NKAIN2: variants seen among roughly 807,000 people sequenced by gnomAD.
The protein encoded by NKAIN2 is sodium/potassium-transporting ATPase subunit beta-1-interacting protein 2.
NKAIN2 carries 14 observed loss-of-function variants against 32.6 expected under a neutral mutation model. The ratio of observed to expected loss-of-function variants is 0.43; its 90% CI spans 0.28 to 0.67. The LOEUF (loss-of-function observed/expected upper bound fraction) is 0.67, where lower values mean the gene tolerates loss of function less well. Among genes scored for constraint, NKAIN2 ranks in the 30% least tolerant of loss-of-function variants. The pLI is 0.17. For synonymous variants in NKAIN2, 80 were observed against 87.2 expected, an observed-to-expected ratio of 0.92 and a Z score of 0.46; for missense variants, 198 against 258.3, an observed-to-expected ratio of 0.77 and a Z score of 1.60.
chr6:124,500,526 T>C (rs1778246356), intron 3 of NKAIN2, among the ~76,000 whole-genome samples: 1 of 151,918 alleles, frequency 6.6e-6, no homozygotes, highest in South Asian at 2.1e-4. Context: ...CAATTGCTCA[T>C]GGCTGTGGTC....
intron 4 of NKAIN2, among the ~76,000 whole-genome samples, chr6:124,676,852 T>A (rs1341999830): frequency 6.6e-6 from 1 of 152,180 alleles, no homozygotes; most frequent in East Asian, 1.9e-4. Context: ...GCATGGAGTA[T>A]CTTTTTCCAT....
chr6:124,779,283 G>GAGA (rs1240402173), intron 4 of NKAIN2, among the ~76,000 whole-genome samples: 7 of 99,950 alleles, frequency 7.0e-5, no homozygotes, highest in East Asian at 7.1e-4. Flanking sequence ...GAGAGAGAGA[G>GAGA]GAAGGCAGGA....
intron 1 of NKAIN2, among the ~76,000 whole-genome samples, chr6:123,915,746 G>T (rs1409090131): frequency 6.6e-6 from 1 of 152,150 alleles, no homozygotes; most frequent in Non-Finnish European, 1.5e-5. Flanking sequence ...GAATTCTCTT[G>T]TGTGTCTCCG....
chr6:123,950,688 T>G (rs1344892593), intron 1 of NKAIN2, among the ~76,000 whole-genome samples: 2 of 151,998 alleles, frequency 1.3e-5, no homozygotes, highest in East Asian at 3.9e-4. Flanking sequence ...CTTTTTTCCT[T>G]GGTTCGACTA....
chr6:124,587,377 G>T (rs538697521), intron 3 of NKAIN2, among the ~76,000 whole-genome samples: 1 of 151,852 alleles, frequency 6.6e-6, no homozygotes, highest in African/African-American at 2.4e-5. Flanking sequence ...ATGCCACCAC[G>T]CCCGGCTAAT....
At chr6:124,591,249 C>G (rs1282391111) in intron 3 of NKAIN2, among the ~76,000 whole-genome samples, 1 of 152,218 alleles carries the variant, frequency 6.6e-6, no homozygotes, top group Admixed American at 6.5e-5. Context: ...ATTTGCCACT[C>G]AAGACTCTTC....
intron 4 of NKAIN2, among the ~76,000 whole-genome samples, chr6:124,786,858 T>A (rs1779525411): frequency 6.6e-6 from 1 of 152,158 alleles, no homozygotes; most frequent in African/African-American, 2.4e-5. Flanking sequence ...AATTATTTTC[T>A]TTCAATTGAA....
chr6:124,382,382 G>A (rs1488589807), intron 3 of NKAIN2, among the ~76,000 whole-genome samples: 2 of 152,208 alleles, frequency 1.3e-5, no homozygotes, highest in Admixed American at 1.3e-4. Flanking sequence ...CAGGCACCTA[G>A]ACAAATTGAA....
At chr6:124,127,461 A>G (rs1459272996) in intron 1 of NKAIN2, among the ~76,000 whole-genome samples, 1 of 152,240 alleles carries the variant, frequency 6.6e-6, no homozygotes, top group Non-Finnish European at 1.5e-5. Context: ...AATATTTACT[A>G]GTTAATTTTG....
chr6:124,347,568 A>C (rs1009695382), intron 2 of NKAIN2, among the ~76,000 whole-genome samples: 1 of 151,518 alleles, frequency 6.6e-6, no homozygotes, highest in Non-Finnish European at 1.5e-5. Context: ...TTCCCTTCTC[A>C]CTTCATTTCA....
At chr6:124,192,895 G>T (rs925411035) in intron 1 of NKAIN2, among the ~76,000 whole-genome samples, 6 of 151,700 alleles carry the variant, frequency 4.0e-5, no homozygotes, top group Non-Finnish European at 8.8e-5. Flanking sequence ...GACTACAGGC[G>T]CCCGCCACCG....
intron 2 of NKAIN2, among the ~76,000 whole-genome samples, chr6:124,288,812 A>ATTGG: frequency 6.6e-6 from 1 of 152,192 alleles, no homozygotes; most frequent in Non-Finnish European, 1.5e-5. Flanking sequence ...AAAATACTCA[A>ATTGG]AACATATTGG....
chr6:124,681,173 T>C (rs1202824185), intron 4 of NKAIN2, among the ~76,000 whole-genome samples: 1 of 152,026 alleles, frequency 6.6e-6, no homozygotes, highest in Non-Finnish European at 1.5e-5. Flanking sequence ...ATATCAATCA[T>C]TGTATTGACT....
At chr6:124,371,930 AC>A (rs1195989207) in intron 3 of NKAIN2, among the ~76,000 whole-genome samples, 1 of 152,106 alleles carries the variant, frequency 6.6e-6, no homozygotes, top group Admixed American at 6.6e-5. Flanking sequence ...GGCACACATG[AC>A]GTGATCCTGT....
At chr6:124,036,454 C>T (rs750466463) in intron 1 of NKAIN2, among the ~76,000 whole-genome samples, 1 of 152,066 alleles carries the variant, frequency 6.6e-6, no homozygotes, top group Non-Finnish European at 1.5e-5. Context: ...TATTTTTATA[C>T]TGTGTTTATT....
intron 3 of NKAIN2, among the ~76,000 whole-genome samples, chr6:124,431,416 A>G (rs1775212456): frequency 6.6e-6 from 1 of 152,200 alleles, no homozygotes; most frequent in African/African-American, 2.4e-5. Flanking sequence ...TTCAAAACGT[A>G]TTTTAAAATA....
chr6:124,275,707 T>C (rs897442335), intron 1 of NKAIN2, among the ~76,000 whole-genome samples: 6 of 152,138 alleles, frequency 3.9e-5, no homozygotes, highest in African/African-American at 1.4e-4. Flanking sequence ...TTATTTGCAT[T>C]TGTAACCAAT....
At chr6:124,019,688 T>A (rs1780775896) in intron 1 of NKAIN2, among the ~76,000 whole-genome samples, 1 of 152,156 alleles carries the variant, frequency 6.6e-6, no homozygotes, top group East Asian at 1.9e-4. Flanking sequence ...TCAATATAAG[T>A]GTGTATATTT....
At chr6:123,859,937 C>G (rs1037736583) in intron 1 of NKAIN2, among the ~76,000 whole-genome samples, 1 of 152,130 alleles carries the variant, frequency 6.6e-6, no homozygotes, top group Non-Finnish European at 1.5e-5. Flanking sequence ...GTGATCCACC[C>G]GCCTCAGCCT....
Sources: gnomAD v4.1 joint callset for allele counts (sites outside exome capture counted in the v4.1 genomes callset) on GRCh38, gnomAD v4.1.1 for gene constraint, MANE v1.5 for transcripts, NCBI Gene and HGNC (gene_info 2026-07-23, HGNC 2026-07-21) for gene names.